HJURP: variants seen among roughly 807,000 people sequenced by gnomAD.
HJURP encodes Holliday junction recognition protein.
Under a neutral mutation model 72.0 loss-of-function variants are expected in HJURP, and 49 were observed. The observed-to-expected ratio is 0.68, with a 90% confidence interval of 0.54 to 0.86. The LOEUF (loss-of-function observed/expected upper bound fraction) is 0.86, where lower values mean the gene tolerates loss of function less well. HJURP is among the 40% of genes least tolerant of loss of function. The pLI is 0.00. For missense variants in HJURP, 908 were observed against 936.3 expected, an observed-to-expected ratio of 0.97 and a Z score of 0.39; for synonymous variants, 357 against 347.1, an observed-to-expected ratio of 1.03 and a Z score of -0.32.
chr2:233,839,148 C>T (rs933898284), intron 8 of HJURP, among the ~76,000 whole-genome samples: 1 of 152,246 alleles, frequency 6.6e-6, no homozygotes, highest in African/African-American at 2.4e-5. Context: ...TGACTTTATA[C>T]ACGAAAATAA....
In HJURP at chr2:233,840,749, C is replaced by A; in HGVS notation, c.2031G>T (p.Gln677His). 6.2e-7 allele frequency: 1 copy of A among 1,614,120 alleles called. No individual in the cohort carries two copies. The highest frequency in any genetic ancestry group is 2.2e-5 in the East Asian group (1 of 44,858). ...AITRDGTRDH[Q>H]FPAKRPRLSE... ...ATAGCCTGGGTCTTTTTGCAGGGAACTGATGGTCCCTCGTGCCATCCCTCG... is the reference window on the plus strand; with the variant it reads ...ATAGCCTGGGTCTTTTTGCAGGGAAATGATGGTCCCTCGTGCCATCCCTCG... Residue 677 changes from glutamine to histidine, a missense_variant, in exon 8 of 9, where the codon CAG becomes CAT. Physicochemically the swap from Gln to His is conservative, Grantham distance 24 (BLOSUM62 0). Transcript: ENST00000411486.
Position 233,840,881 on chromosome 2 carries a change from G to C in HJURP, c.1899C>G (p.Phe633Leu). 1 of 1,614,142 alleles carries C rather than the reference G, an allele frequency of 6.2e-7. No homozygotes were observed. Residue 633 changes from phenylalanine (F) to leucine (L), a missense_variant, in exon 8 of 9, where the codon TTC (phenylalanine) becomes TTG (leucine). Phe to Leu is a conservative substitution (Grantham distance 22, BLOSUM62 0). Coordinates refer to ENST00000411486, the MANE Select transcript of HJURP (RefSeq NM_018410.5). ...ATGATGGCAACTTCTGGAAACCCTG[G>C]AAGTGAGGGTCTGGATTTAATTTTC... ...FLGKLNPDPH[F>L]QGFQKLPSSP...
At chr2:233,850,473 G>A (rs943658816) in intron 3 of HJURP, among the ~76,000 whole-genome samples, 1 of 152,190 alleles carries the variant, frequency 6.6e-6, no homozygotes, top group African/African-American at 2.4e-5. Flanking sequence ...CCCAGAGCAT[G>A]GCATCGGTGG....
chr2:233,846,408 C>T lies in HJURP; in HGVS notation c.403-588G>A, dbSNP rs1370231082. Among the ~76,000 whole-genome samples the T allele has an allele frequency of 6.6e-6, 1 of 152,086 alleles. No homozygotes were observed. The highest frequency in any genetic ancestry group is 1.5e-5 in the Non-Finnish European group (1 of 68,014). On this transcript the variant is annotated intron_variant, in intron 5 of 8. Coordinates refer to ENST00000411486, the MANE Select transcript of HJURP (RefSeq NM_018410.5). This position sits in a 1 kb window ranked among gnomAD's most constrained non-coding sequence, Gnocchi z 4.3. ...TAGAGGTTGCAGTGAGCTGAGATTG[C>T]CCCACCGCACTCCAGCCTGGGTGAC...
At chr2:233,852,431 G>A (rs1705515944) in intron 3 of HJURP, 134 bp downstream of exon 3, 1 of 635,744 alleles carries the variant, frequency 1.6e-6, no homozygotes, top group Admixed American at 2.9e-5. Flanking sequence ...AAAACAGAAA[G>A]AGTATAATCA....
At chr2:233,838,364 C>T (rs892237158) in intron 8 of HJURP, among the ~76,000 whole-genome samples, 5 of 152,116 alleles carry the variant, frequency 3.3e-5, no homozygotes, top group Admixed American at 6.5e-5. Context: ...TCTACAAGGC[C>T]GAGGTCCCTC....
At position 233,837,098 on chromosome 2, in the gene HJURP, C is replaced by G. The variant is rs1161784874; in HGVS notation, c.*479G>C. ...GCCAGGAGCTCGAGACCAGCCTGGT[C>G]AATATGGTGAAACCCCGTCTCTACT... is the stretch of plus-strand genomic sequence containing the variant. On this transcript the variant is annotated 3_prime_UTR_variant, in exon 9 of 9. Coordinates refer to ENST00000411486, the MANE Select transcript of HJURP (RefSeq NM_018410.5). The G allele has an allele frequency of 6.1e-6, 1 of 164,966 alleles. No individual in the cohort carries two copies. The highest frequency in any genetic ancestry group is 1.9e-4 in the East Asian group (1 of 5,382). The allele number at this position is 164,966 out of a possible 1,614,324, so 10.2% of individuals were successfully genotyped here.
chr2:233,839,768 G>A (rs917648175), intron 8 of HJURP, among the ~76,000 whole-genome samples: 2 of 152,140 alleles, frequency 1.3e-5, no homozygotes, highest in African/African-American at 4.8e-5. Flanking sequence ...GAGGCACATC[G>A]CCAGGCTAGG....
At chr2:233,840,586 T>C in intron 8 of HJURP, 23 bp downstream of exon 8, 1 of 1,548,476 alleles carries the variant, frequency 6.5e-7, no homozygotes, top group South Asian at 1.3e-5. Context: ...TAAACCACAT[T>C]CAACCAACAG....
chr2:233,844,009 C>T (rs556181708), intron 7 of HJURP, among the ~76,000 whole-genome samples, 196 bp downstream of exon 7: 5 of 152,256 alleles, frequency 3.3e-5, no homozygotes, highest in Admixed American at 1.3e-4. Context: ...AAAGAGCAGA[C>T]GTGGAGGAGA....
chr2:233,853,935 G>C (rs773105439), intron 1 of HJURP, 25 bp from the exon 2 acceptor site: 2 of 1,610,144 alleles, frequency 1.2e-6, no homozygotes, highest in Non-Finnish European at 1.7e-6. Context: ...GGGGCTTCCT[G>C]TCAGGTTCCA....
rs759847791 is a variant in HJURP, at chr2:233,841,007, A to G, written c.1773T>C (p.Tyr591=). The change falls in exon 8 of 9, where the codon TAT becomes TAC. Residue 591 remains tyrosine, a synonymous_variant. Transcript: ENST00000411486. ...KEEFDKLHQK[Y]CLKSPGQMTV... ...TCATCTGCCCAGGAGATTTGAGGCA[A>G]TACTTTTGATGAAGCTTGTCAAATT... 9 of 1,614,104 alleles carry G rather than the reference A, an allele frequency of 5.6e-6. No individual in the cohort carries two copies. The highest frequency in any genetic ancestry group is 7.6e-6 in the Non-Finnish European group (9 of 1,180,054).
At chr2:233,848,390 T>C (rs1184227443) in intron 4 of HJURP, among the ~76,000 whole-genome samples, 2 of 152,182 alleles carry the variant, frequency 1.3e-5, no homozygotes, top group Non-Finnish European at 2.9e-5. Flanking sequence ...TTCTGGCCTT[T>C]TACCCCAAAA....
rs1391134596 is a variant in HJURP, at chr2:233,853,173, G to T, written c.185-553C>A. Among the ~76,000 whole-genome samples, 4 of 152,174 alleles carry T rather than the reference G, an allele frequency of 2.6e-5. No individual in the cohort carries two copies. The East Asian group carries it at 7.7e-4, about 29-fold the overall frequency. On this transcript the variant is annotated intron_variant, in intron 2 of 8. Transcript: ENST00000411486. The stretch of plus-strand genomic sequence containing the variant: ...GGAGCAGATCTTGTGAACCTTCTGT[G>T]TCCGTTTAATGCAACATAGAACTTG...
At chr2:233,849,712 G>A (rs374726512) in intron 4 of HJURP, 51 bp downstream of exon 4, 14 of 1,199,800 alleles carry the variant, frequency 1.2e-5, no homozygotes, top group African/African-American at 7.6e-5. Flanking sequence ...TAACAGGTGC[G>A]TCAGACCTGG....
intron 8 of HJURP, among the ~76,000 whole-genome samples, chr2:233,839,682 C>T (rs1335169477): frequency 6.6e-6 from 1 of 152,214 alleles, no homozygotes; most frequent in Non-Finnish European, 1.5e-5. Context: ...GCTCGCAGGC[C>T]AGGCGGGTCC....
chr2:233,852,578 T>C lies in HJURP; in HGVS notation c.227A>G (p.Glu76Gly). 1 of 1,603,506 alleles carries C rather than the reference T, an allele frequency of 6.2e-7. No homozygotes were observed. Among genetic ancestry groups the C allele is most frequent in the African/African-American group, 1.3e-5 (1 of 74,976 alleles). ...GACACTAAATACCTGGATCTCTCCT[T>C]CGTTTCTTTCCTTTATTAGTCTTCC... ...WGGRLIKERNEGEIQDSSMKP... is the reference protein window; with the variant it reads ...WGGRLIKERNGGEIQDSSMKP... The change falls in exon 3 of 9, where the codon GAA becomes GGA. Residue 76 changes from glutamate to glycine, a missense_variant. By Grantham distance (98) the Glu-to-Gly change is moderately conservative. Around this residue, in one of 3 missense-constraint regions of HJURP, gnomAD observed 299 missense variants for 286.7 expected, o/e 1.04. Coordinates refer to ENST00000411486, the MANE Select transcript of HJURP (RefSeq NM_018410.5).
chr2:233,847,273 C>A, intron 5 of HJURP, 124 bp downstream of exon 5: 1 of 730,276 alleles, frequency 1.4e-6, no homozygotes, highest in South Asian at 1.6e-5. Flanking sequence ...CAAAAGCCAG[C>A]CTCAGGAGAG....
rs749141214 is a variant in HJURP at position 233,846,511 on chromosome 2, C to T, written c.403-691G>A. The stretch of plus-strand genomic sequence containing the variant: ...TCCAGCTCAGGAGGCTCTCCTACCC[C>T]TCCCCTGCTAGACACTGGAAATAGA... On this transcript the variant is annotated intron_variant, in intron 5 of 8. Coordinates refer to ENST00000411486, the MANE Select transcript of HJURP (RefSeq NM_018410.5). The surrounding 1 kb of genome is among the most constrained non-coding windows in gnomAD (Gnocchi z 4.3). 2.2e-4 allele frequency among the ~76,000 whole-genome samples: 33 copies of T among 152,130 alleles called. No individual in the cohort carries two copies. The highest frequency in any genetic ancestry group is 4.3e-4 in the Non-Finnish European group (29 of 68,028).
Sources: gnomAD v4.1 joint callset for allele counts (sites outside exome capture counted in the v4.1 genomes callset) on GRCh38, gnomAD v4.1.1 for gene constraint, gnomAD v4.1.1 regional missense constraint, Gnocchi (gnomAD v3.1) non-coding constraint, MANE v1.5 for transcripts, NCBI Gene and HGNC (gene_info 2026-07-23, HGNC 2026-07-21) for gene names.